The following DENND2B variants were observed in gnomAD, a reference collection of about 807,000 sequenced individuals.
DENND2B encodes the protein DENN domain containing 2B.
In DENND2B, 32 loss-of-function variants were observed where a neutral mutation model predicts 116.0. The observed-to-expected ratio is 0.28, with a 90% confidence interval of 0.21 to 0.37. The LOEUF is 0.37. Among genes scored for constraint, DENND2B ranks in the 10% least tolerant of loss-of-function variants. The pLI, the probability that DENND2B is intolerant of heterozygous loss-of-function variation, is 1.00. For missense variants in DENND2B, 1,276 were observed against 1,477.7 expected, an observed-to-expected ratio of 0.86 and a Z score of 2.24; for synonymous variants, 588 against 583.9, an observed-to-expected ratio of 1.01 and a Z score of -0.10.
At chr11:8,821,892 A>G (rs1309080870) in intron 4 of DENND2B, among the ~76,000 whole-genome samples, 1 of 152,172 alleles carries the variant, frequency 6.6e-6, no homozygotes, top group Non-Finnish European at 1.5e-5. Flanking sequence ...CCCAGGCTCA[A>G]GCAATTCTCC....
chr11:8,759,383 G>T (rs1383764567), intron 1 of DENND2B, among the ~76,000 whole-genome samples: 1 of 152,188 alleles, frequency 6.6e-6, no homozygotes, highest in Admixed American at 6.5e-5. Flanking sequence ...CTCCCATTCT[G>T]CTGAGGTTAA....
intron 4 of DENND2B, among the ~76,000 whole-genome samples, chr11:8,837,561 T>C (rs1310923794): frequency 6.6e-6 from 1 of 152,100 alleles, no homozygotes; most frequent in Non-Finnish European, 1.5e-5. Flanking sequence ...TTGGCCAGGC[T>C]GGTCTCGAAC....
intron 1 of DENND2B, among the ~76,000 whole-genome samples, chr11:8,765,685 T>G (rs1237483976): frequency 1.9e-5 from 2 of 107,066 alleles, no homozygotes; most frequent in African/African-American, 5.7e-5. Flanking sequence ...TTCAATTTCT[T>G]GTATCATTTT....
intron 4 of DENND2B, among the ~76,000 whole-genome samples, chr11:8,720,119 GGGAGGCAGGAAT>G (rs1167485183): frequency 6.6e-6 from 1 of 152,148 alleles, no homozygotes; most frequent in Non-Finnish European, 1.5e-5. Context: ...GAGAGAGGGA[GGGAGGCAGGAAT>G]GGAGGGAGGG....
chr11:8,903,850 C>T (rs370614057), intron 1 of DENND2B, among the ~76,000 whole-genome samples: 2 of 132,202 alleles, frequency 1.5e-5, no homozygotes, highest in South Asian at 2.4e-4. Flanking sequence ...GATTATGCCA[C>T]GGCACTCCAG....
intron 2 of DENND2B, among the ~76,000 whole-genome samples, chr11:8,742,327 A>AT (rs200139363): frequency 4.6e-4 from 69 of 150,804 alleles, no homozygotes; most frequent in Admixed American, 2.6e-4. Flanking sequence ...ATGCCATTAA[A>AT]TTTTTTTTTT....
intron 3 of DENND2B, among the ~76,000 whole-genome samples, chr11:8,853,191 C>T (rs143837779): frequency 2.6e-5 from 4 of 152,022 alleles, no homozygotes; most frequent in Non-Finnish European, 5.9e-5. Context: ...TGGTAAACCC[C>T]GTCCCTACTA....
intron 2 of DENND2B, among the ~76,000 whole-genome samples, chr11:8,742,041 C>T (rs1260750037): frequency 6.6e-6 from 1 of 152,218 alleles, no homozygotes; most frequent in Non-Finnish European, 1.5e-5. Context: ...CAGGTGCATT[C>T]CAGCACACTG....
At chr11:8,741,360 T>C (rs549109104) in intron 2 of DENND2B, among the ~76,000 whole-genome samples, 1 of 152,286 alleles carries the variant, frequency 6.6e-6, no homozygotes, top group African/African-American at 2.4e-5. Context: ...TAAGGAGCAG[T>C]GGCAAGTGAA....
At chr11:8,743,477 T>C (rs752813415) in intron 2 of DENND2B, among the ~76,000 whole-genome samples, 5 of 151,924 alleles carry the variant, frequency 3.3e-5, no homozygotes, top group African/African-American at 7.3e-5. Flanking sequence ...TTGAACCTGG[T>C]TGGCAGAGGC....
intron 13 of DENND2B, among the ~76,000 whole-genome samples, chr11:8,705,914 C>T (rs1019804234): frequency 7.9e-5 from 12 of 152,224 alleles, no homozygotes; most frequent in African/African-American, 1.9e-4. Flanking sequence ...GTTTTCACTC[C>T]GACCATTATC....
chr11:8,794,758 C>T (rs1303676607), intron 1 of DENND2B: 3 of 152,242 alleles, frequency 2.0e-5, no homozygotes, highest in African/African-American at 7.2e-5. Flanking sequence ...GGGAACCATC[C>T]CAAGGTCACC....
At chr11:8,717,916 A>G in intron 4 of DENND2B, 24 bp from the exon 5 acceptor site, 5 of 1,597,976 alleles carry the variant, frequency 3.1e-6, no homozygotes, top group Non-Finnish European at 4.3e-6. Context: ...AGAGTTAGAG[A>G]AGGGGGAGAA....
chr11:8,705,688 G>A (rs1344350073), intron 13 of DENND2B, among the ~76,000 whole-genome samples: 1 of 152,128 alleles, frequency 6.6e-6, no homozygotes, highest in East Asian at 1.9e-4. Context: ...TCAGTACATG[G>A]CTCCATCATC....
chr11:8,870,384 G>A (rs569018362), intron 2 of DENND2B, among the ~76,000 whole-genome samples: 1 of 152,334 alleles, frequency 6.6e-6, no homozygotes, highest in South Asian at 2.1e-4. Context: ...CTTAGTGCGT[G>A]TCTGCACAAG....
At chr11:8,880,752 A>G (rs1220486829) in intron 2 of DENND2B, among the ~76,000 whole-genome samples, 1 of 152,128 alleles carries the variant, frequency 6.6e-6, no homozygotes, top group African/African-American at 2.4e-5. Context: ...TCCTCCTAAT[A>G]CTGAATACTG....
At position 8,771,324 on chromosome 11, in the gene DENND2B, A is replaced by T. The variant is rs975332744; in HGVS notation, c.-25-20599T>A. On this transcript the variant is annotated intron_variant, in intron 1 of 19. Coordinates refer to ENST00000313726, the MANE Select transcript of DENND2B (RefSeq NM_213618.2). ...CTATGGGGAACAGTATATACAAAGG[A>T]ATACAAAGCAGAATCATATAGAGTA... 2.0e-5 allele frequency among the ~76,000 whole-genome samples: 3 copies of T among 152,072 alleles called. No individual in the cohort carries two copies. In the East Asian group the frequency reaches 5.8e-4, roughly 29 times the overall value.
At chr11:8,746,820 G>A (rs895980930) in intron 2 of DENND2B, among the ~76,000 whole-genome samples, 1 of 152,174 alleles carries the variant, frequency 6.6e-6, no homozygotes, top group African/African-American at 2.4e-5. Context: ...CTCATAGGAA[G>A]GGAATGTGTT....
chr11:8,894,525 C>T (rs2064075461), intron 1 of DENND2B, among the ~76,000 whole-genome samples: 2 of 150,648 alleles, frequency 1.3e-5, no homozygotes, highest in Admixed American at 1.3e-4. Context: ...TATCCAGAAT[C>T]TACAATGAAC....
Sources: gnomAD v4.1 joint callset for allele counts (sites outside exome capture counted in the v4.1 genomes callset) on GRCh38, gnomAD v4.1.1 for gene constraint, MANE v1.5 for transcripts, NCBI Gene and HGNC (gene_info 2026-07-23, HGNC 2026-07-21) for gene names.